Variants in ERBB4 observed in about 807,000 individuals in gnomAD.
ERBB4 encodes the protein receptor tyrosine-protein kinase erbB-4.
A neutral mutation model predicts 158.0 loss-of-function variants in ERBB4; 42 were observed. The observed-to-expected ratio is 0.27, with a 90% CI of 0.21 to 0.34. The LOEUF (loss-of-function observed/expected upper bound fraction) is 0.34, where lower values mean the gene tolerates loss of function less well. ERBB4 is among the 10% of genes least tolerant of loss of function. The pLI, the probability that ERBB4 is intolerant of heterozygous loss-of-function variation, is 1.00. For missense variants in ERBB4, 1,333 were observed against 1,624.1 expected, an observed-to-expected ratio of 0.82 and a Z score of 3.08; for synonymous variants, 583 against 558.7, an observed-to-expected ratio of 1.04 and a Z score of -0.61.
intron 1 of ERBB4, among the ~76,000 whole-genome samples, chr2:212,326,802 A>G (rs2087861300): frequency 6.6e-6 from 1 of 150,842 alleles, no homozygotes; most frequent in Admixed American, 6.6e-5. Flanking sequence ...TCTAGATCCA[A>G]AAGAAAAATG....
chr2:212,060,542 A>C (rs1219623378), intron 2 of ERBB4, among the ~76,000 whole-genome samples: 1 of 143,428 alleles, frequency 7.0e-6, no homozygotes, highest in Non-Finnish European at 1.6e-5. Context: ...TCACAATAGC[A>C]AAGACTTGGA....
chr2:211,383,985 G>A lies in ERBB4; in HGVS notation c.3557C>T (p.Pro1186Leu), dbSNP rs2125311904. 2 of 1,613,812 alleles carry A rather than the reference G, an allele frequency of 1.2e-6. No homozygotes were observed. The highest frequency in any genetic ancestry group is 1.7e-6 in the Non-Finnish European group (2 of 1,179,930). Residue 1186 changes from proline to leucine, a missense_variant, in exon 28 of 28, where the codon CCC becomes CTC. Transcript: ENST00000342788. ...KNGDLQALDN[P>L]EYHNASNGPP... ...ACCATTGGATGCATTGTGATATTCGGGATTATCCAATGCTTGAAGGTCTCC... is the reference window on the plus strand; with the variant it reads ...ACCATTGGATGCATTGTGATATTCGAGATTATCCAATGCTTGAAGGTCTCC...
rs1384099975 is a variant in ERBB4, at chr2:212,351,368, AAGCT to A, written c.82+187077_82+187080del. On this transcript the variant is annotated intron_variant, in intron 1 of 27. Transcript: ENST00000342788. ...ATGGTAAAATAAATTTATGTTGTTTAAGCTACCCAGTCCATGGTTAAGCTACCCA... is the reference window on the plus strand; with the variant it reads ...ATGGTAAAATAAATTTATGTTGTTTAACCCAGTCCATGGTTAAGCTACCCA... 3.3e-5 allele frequency among the ~76,000 whole-genome samples: 5 copies of A among 152,172 alleles called. No homozygotes were observed. The East Asian group carries it at 9.6e-4, about 29-fold the overall frequency.
At position 212,141,770 on chromosome 2, in the gene ERBB4, A is replaced by G. The variant is rs113142052; in HGVS notation, c.83-16867T>C. Among the ~76,000 whole-genome samples, 1,009 of 152,208 alleles carry G rather than the reference A, an allele frequency of 6.6e-3. 7 individuals are homozygous for G. The highest frequency in any genetic ancestry group is 0.024 in the Middle Eastern group (7 of 294). ...CTTGCTATCTCTATTTCAAGCCACGAAAGTCCCTATTTGAATATTGCCATG... is the reference window on the plus strand; with the variant it reads ...CTTGCTATCTCTATTTCAAGCCACGGAAGTCCCTATTTGAATATTGCCATG... On this transcript the variant is annotated intron_variant, in intron 1 of 27. Transcript: ENST00000342788.
At chr2:212,025,362 A>T (rs1214717681) in intron 2 of ERBB4, among the ~76,000 whole-genome samples, 1 of 151,862 alleles carries the variant, frequency 6.6e-6, no homozygotes, top group African/African-American at 2.4e-5. Context: ...ACAGCCAAGA[A>T]ATGAAATGGG....
chr2:211,573,610 C>T (rs1263413545), intron 19 of ERBB4, among the ~76,000 whole-genome samples: 1 of 152,082 alleles, frequency 6.6e-6, no homozygotes, highest in Non-Finnish European at 1.5e-5. Context: ...GCGGAGCTTG[C>T]AGTGAGCCGA....
intron 1 of ERBB4, among the ~76,000 whole-genome samples, chr2:212,248,368 T>C (rs1343037486): frequency 6.6e-6 from 1 of 152,156 alleles, no homozygotes; most frequent in East Asian, 1.9e-4. Context: ...ACTTTTTGTG[T>C]CCTCTGACAA....
At chr2:212,492,706 C>T (rs1032549190) in intron 1 of ERBB4, among the ~76,000 whole-genome samples, 5 of 151,408 alleles carry the variant, frequency 3.3e-5, no homozygotes, top group African/African-American at 1.2e-4. Context: ...AAACCCTATG[C>T]TTCAGTTTTA....
chr2:212,451,965 C>T (rs530664269), intron 1 of ERBB4, among the ~76,000 whole-genome samples: 105 of 150,838 alleles, frequency 7.0e-4, no homozygotes, highest in South Asian at 5.9e-3. Context: ...GAAGGATTGT[C>T]TCAGGCACCT....
At chr2:212,182,345 C>A (rs1220995142) in intron 1 of ERBB4, among the ~76,000 whole-genome samples, 4 of 151,804 alleles carry the variant, frequency 2.6e-5, no homozygotes, top group African/African-American at 9.7e-5. Flanking sequence ...AATCACAATT[C>A]TTGACAGTTT....
At chr2:212,168,974 A>G (rs1465113009) in intron 1 of ERBB4, among the ~76,000 whole-genome samples, 2 of 152,196 alleles carry the variant, frequency 1.3e-5, no homozygotes, top group Non-Finnish European at 2.9e-5. Flanking sequence ...AAAATGAGAT[A>G]AACAATTTTA....
intron 3 of ERBB4, among the ~76,000 whole-genome samples, chr2:211,837,951 G>T (rs760543041): frequency 6.6e-6 from 1 of 151,970 alleles, no homozygotes; most frequent in Non-Finnish European, 1.5e-5. Flanking sequence ...TATCTACAAA[G>T]CACATGGGAG....
At chr2:211,953,227 C>A (rs2080926071) in intron 2 of ERBB4, among the ~76,000 whole-genome samples, 1 of 151,708 alleles carries the variant, frequency 6.6e-6, no homozygotes, top group African/African-American at 2.4e-5. Flanking sequence ...CAGTAGTAAA[C>A]AGAAATTATA....
chr2:212,215,781 A>T (rs1380192985), intron 1 of ERBB4, among the ~76,000 whole-genome samples: 1 of 151,376 alleles, frequency 6.6e-6, no homozygotes, highest in African/African-American at 2.4e-5. Context: ...TCTAACATTT[A>T]AAATCTCTAT....
At chr2:211,889,211 C>G (rs1006780145) in intron 3 of ERBB4, among the ~76,000 whole-genome samples, 1 of 145,004 alleles carries the variant, frequency 6.9e-6, no homozygotes, top group Admixed American at 6.7e-5. Context: ...TGAGAACCCG[C>G]AGACTGCCTC....
At chr2:212,043,362 T>A (rs990587628) in intron 2 of ERBB4, among the ~76,000 whole-genome samples, 3 of 152,138 alleles carry the variant, frequency 2.0e-5, no homozygotes, top group Non-Finnish European at 2.9e-5. Context: ...CCTGCATTTG[T>A]TTCTAATTGT....
chr2:212,242,252 A>G (rs183477986), intron 1 of ERBB4, among the ~76,000 whole-genome samples: 1 of 152,080 alleles, frequency 6.6e-6, no homozygotes. Context: ...TTTAAAAGAC[A>G]TAGAATATTT....
In ERBB4 at chr2:211,502,459, G is replaced by T. The variant is rs554867420; in HGVS notation, c.2487+59444C>A. On this transcript the variant is annotated intron_variant, in intron 20 of 27. Coordinates refer to ENST00000342788, the MANE Select transcript of ERBB4 (RefSeq NM_005235.3). ...ATTATAAACATTCAATTACCTATTA[G>T]CCCACCTAATTAATAAAACTGTATT... Among the ~76,000 whole-genome samples the T allele has an allele frequency of 3.9e-5, 6 of 151,982 alleles. No homozygotes were observed. In the South Asian group the frequency reaches 1.0e-3, roughly 26 times the overall value.
chr2:212,510,470 T>C lies in ERBB4; in HGVS notation c.82+27979A>G, dbSNP rs1472649171. ...TCACCTCACATCCCACTTTTCTGTT[T>C]TAAATAGGATTTGGCTAAAGGGTTT... On this transcript the variant is annotated intron_variant, in intron 1 of 27. Transcript: ENST00000342788. Among the ~76,000 whole-genome samples, 8 of 151,878 alleles carry C rather than the reference T, an allele frequency of 5.3e-5. 1 individual carries two copies. Among genetic ancestry groups the C allele is most frequent in the African/African-American group, 1.9e-4 (8 of 41,396 alleles).
Sources: gnomAD v4.1 joint callset for allele counts (sites outside exome capture counted in the v4.1 genomes callset) on GRCh38, gnomAD v4.1.1 for gene constraint, MANE v1.5 for transcripts, NCBI Gene and HGNC (gene_info 2026-07-23, HGNC 2026-07-21) for gene names.